PEG3: variants seen among roughly 807,000 people sequenced by gnomAD.
PEG3 encodes paternally expressed 3.
A neutral mutation model predicts 35.5 loss-of-function variants in PEG3; 23 were observed. That is an observed-to-expected ratio of 0.65 (90% CI 0.47 to 0.92). The LOEUF (loss-of-function observed/expected upper bound fraction) is 0.92, where lower values mean the gene tolerates loss of function less well. Ranked by LOEUF, PEG3 falls within the 40% of genes least tolerant of loss-of-function variation. PEG3 has a pLI of 0.00. For synonymous variants in PEG3, 707 were observed against 697.0 expected (o/e 1.01, Z -0.23); for missense variants, 1,960 against 1,985.3 (o/e 0.99, Z 0.24).
At chr19:56,839,454 T>C (rs1350902052) in intron 1 of PEG3, among the ~76,000 whole-genome samples, 2 of 125,402 alleles carry the variant, frequency 1.6e-5, no homozygotes, top group African/African-American at 3.1e-5. Flanking sequence ...CATCTAATGC[T>C]ACCCAGTCAC....
At chr19:56,821,983 A>C (rs1224278928) in intron 6 of PEG3, among the ~76,000 whole-genome samples, 1 of 150,896 alleles carries the variant, frequency 6.6e-6, no homozygotes, top group East Asian at 2.0e-4. Flanking sequence ...TTCTGCTCCC[A>C]GTCTCGGAGG....
At chr19:56,833,433 A>G (rs1170595314) in intron 2 of PEG3, 7 of 333,096 alleles carry the variant, frequency 2.1e-5, no homozygotes, top group Non-Finnish European at 4.1e-5. Context: ...GCAGACCGAC[A>G]TTCTCTACTT....
chr19:56,814,258 G>A lies in PEG3; in HGVS notation c.4184C>T (p.Ala1395Val). 6.2e-7 allele frequency: 1 copy of A among 1,613,598 alleles called. No homozygotes were observed. The highest frequency in any genetic ancestry group is 8.5e-7 in the Non-Finnish European group (1 of 1,180,022). ...CTCGGCAGCCTCCACTTCTGGCTCA[G>A]CAGCCTCTACGTTTAAGCCCTGAAT... ...LRIQGLNVEA[A>V]EPEVEAAEPE... The change falls in exon 10 of 10, where the codon GCT becomes GTT. Residue 1395 changes from alanine to valine, a missense_variant. Ala to Val is a moderately conservative substitution (Grantham distance 64). Around this residue, in one of 5 missense-constraint regions of PEG3, gnomAD observed 416 missense variants for 416.7 expected, o/e 1.00. Coordinates refer to ENST00000326441, the MANE Select transcript of PEG3 (RefSeq NM_006210.3). This position sits in a 1 kb window ranked among gnomAD's most constrained non-coding sequence, Gnocchi z 5.8.
rs1226462976 is a variant in PEG3 at position 56,812,304 on chromosome 19, A to T, written c.*1371T>A. 4.1e-6 allele frequency: 4 copies of T among 982,430 alleles called. No homozygotes were observed. The highest frequency in any genetic ancestry group is 4.8e-6 in the Non-Finnish European group (4 of 827,380). 60.9% of individuals were successfully genotyped at this position (982,430 alleles called of 1,614,324 possible). Reference sequence around the variant, plus strand: ...AAAAGAATACTAAGATTAGATGAACACAACACTCAGAAATACTCTAGGAGA... The same window carrying T: ...AAAAGAATACTAAGATTAGATGAACTCAACACTCAGAAATACTCTAGGAGA... On this transcript the variant is annotated 3_prime_UTR_variant, in exon 10 of 10. Transcript: ENST00000326441.
intron 1 of PEG3, among the ~76,000 whole-genome samples, chr19:56,840,338 G>A (rs985242162): frequency 1.6e-4 from 24 of 152,182 alleles, no homozygotes; most frequent in African/African-American, 5.1e-4. Context: ...GCAGCAGCCC[G>A]GGCTGCGCCC....
chr19:56,821,260 C>T (rs1167073616), intron 7 of PEG3, among the ~76,000 whole-genome samples: 1 of 152,212 alleles, frequency 6.6e-6, no homozygotes, highest in Non-Finnish European at 1.5e-5. Flanking sequence ...TTAAACCCAG[C>T]TCCTGTCAGC....
In PEG3 at chr19:56,810,402, G is replaced by A. The variant is rs975515288; in HGVS notation, c.*3273C>T. On this transcript the variant is annotated 3_prime_UTR_variant, in exon 10 of 10. Transcript: ENST00000326441. ...CACAACAACCACACAACTATTTCTT[G>A]TTTTTCATCTTTCTTCCCATCTTTG... 11 of 985,118 alleles carry A rather than the reference G, an allele frequency of 1.1e-5. No homozygotes were observed. The highest frequency in any genetic ancestry group is 1.3e-5 in the Non-Finnish European group (11 of 829,812). The allele number at this position is 985,118 out of a possible 1,614,324, so 61.0% of individuals were successfully genotyped here. A position where few individuals can be genotyped will look rare whatever the true frequency, so the allele number is the denominator to read the frequency against.
intron 1 of PEG3, among the ~76,000 whole-genome samples, chr19:56,837,250 C>T (rs1339525802): frequency 1.3e-5 from 2 of 151,900 alleles, no homozygotes; most frequent in Admixed American, 6.6e-5. Context: ...TGGGGCAGCC[C>T]CTTTAAACAC....
Position 56,836,028 on chromosome 19 carries a change from C to T in PEG3, c.-173G>A, listed in dbSNP as rs907988966. On this transcript the variant is annotated 5_prime_UTR_variant, in exon 2 of 10. Coordinates refer to ENST00000326441, the MANE Select transcript of PEG3 (RefSeq NM_006210.3). ...GGAAATTCAACTCACCTGGACCCAG[C>T]CACCTAGCGTTTGGACCTAGTCCCT... is the stretch of plus-strand genomic sequence containing the variant. 2.0e-6 allele frequency: 1 copy of T among 511,924 alleles called. No individual in the cohort carries two copies. The highest frequency in any genetic ancestry group is 3.2e-4 in the Middle Eastern group (1 of 3,138). The allele number at this position is 511,924 out of a possible 1,614,324, so 31.7% of individuals were successfully genotyped here.
Position 56,824,665 on chromosome 19 carries a change from T to A in PEG3, c.-10A>T. 5.7e-6 allele frequency: 9 copies of A among 1,585,892 alleles called. No individual in the cohort carries two copies. Among genetic ancestry groups the A allele is most frequent in the Non-Finnish European group, 7.7e-6 (9 of 1,163,980 alleles). ...GCTTTGGAGGCAGCATTTCTCTAAG[T>A]AAAATTTTCACTGGAGGAACCAAAC... On this transcript the variant is annotated 5_prime_UTR_variant, in exon 4 of 10. Coordinates refer to ENST00000326441, the MANE Select transcript of PEG3 (RefSeq NM_006210.3).
chr19:56,812,512 T>C lies in PEG3; in HGVS notation c.*1163A>G. 1.0e-6 allele frequency: 1 copy of C among 985,612 alleles called. No homozygotes were observed. The highest frequency in any genetic ancestry group is 1.1e-4 in the East Asian group (1 of 8,804). The allele number at this position is 985,612 out of a possible 1,614,324, so 61.1% of individuals were successfully genotyped here. On this transcript the variant is annotated 3_prime_UTR_variant, in exon 10 of 10. Transcript: ENST00000326441. ...TAGCGATAGAAAGATCTAAGGATAC[T>C]AGCTCCTGGGCACCTAGGGTGCAAA... is the stretch of plus-strand genomic sequence containing the variant.
intron 7 of PEG3, among the ~76,000 whole-genome samples, chr19:56,819,793 G>C (rs563587754): frequency 6.6e-6 from 1 of 152,252 alleles, no homozygotes; most frequent in Admixed American, 6.5e-5. Flanking sequence ...CAAATGTCTT[G>C]ATATTAAATC....
At position 56,812,988 on chromosome 19, in the gene PEG3, G is replaced by A; in HGVS notation, c.*687C>T. The A allele has an allele frequency of 2.0e-6, 2 of 985,822 alleles. No homozygotes were observed. The highest frequency in any genetic ancestry group is 4.7e-5 in the South Asian group (1 of 21,290). 61.1% of individuals were successfully genotyped at this position (985,822 alleles called of 1,614,324 possible). A position where few individuals can be genotyped will look rare whatever the true frequency, so the allele number is the denominator to read the frequency against. Reference sequence around the variant, plus strand: ...AAGTGTTGGCGCAGATGAAATGGCTGCAGAAAGAAGCTAAAGTACTTATCT... The same window carrying A: ...AAGTGTTGGCGCAGATGAAATGGCTACAGAAAGAAGCTAAAGTACTTATCT... On this transcript the variant is annotated 3_prime_UTR_variant, in exon 10 of 10. Transcript: ENST00000326441.
At chr19:56,825,530 T>G (rs1021139306) in intron 3 of PEG3, among the ~76,000 whole-genome samples, 5 of 151,976 alleles carry the variant, frequency 3.3e-5, no homozygotes, top group African/African-American at 1.2e-4. Flanking sequence ...TTTAAACTTT[T>G]GAGATTGGAC....
Position 56,816,334 on chromosome 19 carries a change from T to G in PEG3, c.2108A>C (p.His703Pro). The G allele has an allele frequency of 6.2e-7, 1 of 1,614,202 alleles. No individual in the cohort carries two copies. The highest frequency in any genetic ancestry group is 8.5e-7 in the Non-Finnish European group (1 of 1,180,020). ...AFMQSSELSE[H>P]QKIHSRKNLF... Reference sequence around the variant, plus strand: ...GTTCTTTCGAGAATGAATTTTCTGATGCTCACTGAGCTCTGAGCTTTGCAT... The same window carrying G: ...GTTCTTTCGAGAATGAATTTTCTGAGGCTCACTGAGCTCTGAGCTTTGCAT... Residue 703 changes from histidine (H) to proline (P), a missense_variant, in exon 10 of 10, where the codon CAT (histidine) becomes CCT (proline). Around this residue, in one of 5 missense-constraint regions of PEG3, gnomAD observed 798 missense variants for 782.4 expected, o/e 1.02. Coordinates refer to ENST00000326441, the MANE Select transcript of PEG3 (RefSeq NM_006210.3).
At chr19:56,833,944 A>T (rs2061822618) in intron 2 of PEG3, among the ~76,000 whole-genome samples, 2 of 152,142 alleles carry the variant, frequency 1.3e-5, no homozygotes, top group Admixed American at 1.3e-4. Flanking sequence ...TAAGCTTAGC[A>T]CTTACCACAC....
In PEG3 at chr19:56,810,526, G is replaced by A. The variant is rs2048060087; in HGVS notation, c.*3149C>T. 1 of 983,216 alleles carries A rather than the reference G, an allele frequency of 1.0e-6. No homozygotes were observed. Among genetic ancestry groups the A allele is most frequent in the Non-Finnish European group, 1.2e-6 (1 of 827,954 alleles). The allele number at this position is 983,216 out of a possible 1,614,324, so 60.9% of individuals were successfully genotyped here. Reference sequence around the variant, plus strand: ...TTGTTGTTGGGTGTTGGGAATATGTGTGAATTTTCTTTACTGAATTTCCAA... The same window carrying A: ...TTGTTGTTGGGTGTTGGGAATATGTATGAATTTTCTTTACTGAATTTCCAA... On this transcript the variant is annotated 3_prime_UTR_variant, in exon 10 of 10. Transcript: ENST00000326441.
chr19:56,813,799 C>G lies in PEG3; in HGVS notation c.4643G>C (p.Arg1548Pro), dbSNP rs773370734. The change falls in exon 10 of 10, where the codon CGT becomes CCT. Residue 1548 changes from arginine (R) to proline (P), a missense_variant. This residue lies in a region of PEG3 where 416 missense variants were observed against 416.7 expected (regional missense o/e 1.00). Transcript: ENST00000326441. Reference protein sequence around the residue: ...AFGECSGYIERASTSTGGANQ... With the variant: ...AFGECSGYIEPASTSTGGANQ... Reference sequence around the variant, plus strand: ...GGCACCACCTGTGCTGGTGCTGGCACGTTCGATGTAGCCTGAGCACTCCCC... The same window carrying G: ...GGCACCACCTGTGCTGGTGCTGGCAGGTTCGATGTAGCCTGAGCACTCCCC... 6.2e-7 allele frequency: 1 copy of G among 1,614,070 alleles called. No homozygotes were observed. The highest frequency in any genetic ancestry group is 8.5e-7 in the Non-Finnish European group (1 of 1,180,014).
chr19:56,838,492 C>T (rs115451656), intron 1 of PEG3, among the ~76,000 whole-genome samples: 310 of 152,298 alleles, frequency 2.0e-3, no homozygotes, highest in African/African-American at 7.0e-3. Context: ...GGCGCCTGCA[C>T]AACCCGCCTC....
Sources: allele counts gnomAD v4.1 joint callset (sites outside exome capture counted in the v4.1 genomes callset), GRCh38; gene constraint gnomAD v4.1.1; regional missense constraint gnomAD v4.1.1; non-coding constraint Gnocchi (gnomAD v3.1); transcripts MANE v1.5; gene names NCBI Gene and HGNC (gene_info 2026-07-23, HGNC 2026-07-21).